Variants in CCDC180 observed in about 807,000 individuals in gnomAD.
CCDC180 encodes coiled-coil domain containing 180.
Under a neutral mutation model 209.2 loss-of-function variants are expected in CCDC180, and 154 were observed. The observed-to-expected ratio is 0.74, with a 90% CI of 0.65 to 0.84. The LOEUF (loss-of-function observed/expected upper bound fraction) is 0.84, where lower values mean the gene tolerates loss of function less well. Among genes scored for constraint, CCDC180 ranks in the 40% least tolerant of loss-of-function variants. CCDC180 has a pLI of 0.00. For missense variants in CCDC180, 1,874 were observed against 1,997.3 expected (o/e 0.94, Z 1.18); for synonymous variants, 778 against 749.1 (o/e 1.04, Z -0.63).
In CCDC180 at chr9:97,362,382, C is replaced by T. The variant is rs1564173687; in HGVS notation, c.3843C>T (p.Cys1281=). 1 of 1,614,098 alleles carries T rather than the reference C, an allele frequency of 6.2e-7. No homozygotes were observed. The highest frequency in any genetic ancestry group is 8.5e-7 in the Non-Finnish European group (1 of 1,180,024). ...SSPKGFKRHR[C]QPENSGKKAV... is the part of the protein sequence containing the mutation. ...CCAAAGGCTTCAAGCGACATCGGTG[C>T]CAGCCAGAAAACTCTGGGAAGAAGG... Residue 1281 remains cysteine, a synonymous_variant, in exon 28 of 37, where the codon TGC becomes TGT. Coordinates refer to ENST00000529487, the MANE Select transcript of CCDC180 (RefSeq NM_020893.6).
At chr9:97,376,673 A>G (rs904260797) in intron 36 of CCDC180, 90 bp from the exon 37 acceptor site, 1 of 1,451,876 alleles carries the variant, frequency 6.9e-7, no homozygotes, top group African/African-American at 1.4e-5. Flanking sequence ...TGGGTTAAAA[A>G]CCACCTGCCA....
In CCDC180 at chr9:97,313,993, C is replaced by A. The variant is rs114512584; in HGVS notation, c.460-400C>A. 7.6e-3 allele frequency among the ~76,000 whole-genome samples: 1,152 copies of A among 152,332 alleles called. 26 individuals carry two copies. Among genetic ancestry groups the A allele is most frequent in the African/African-American group, 0.026 (1,097 of 41,570 alleles). ...GGCTCTCCAGCCGTGTTTCTTCATA[C>A]GTCCCAACTAGATGCCAGGTCTGCT... On this transcript the variant is annotated intron_variant, in intron 5 of 36. Transcript: ENST00000529487.
intron 18 of CCDC180, among the ~76,000 whole-genome samples, chr9:97,336,183 A>C (rs1825898654): frequency 4.6e-5 from 7 of 152,170 alleles, no homozygotes; most frequent in Admixed American, 4.6e-4. Flanking sequence ...CCCATTTGTC[A>C]ATTATGGCTT....
chr9:97,367,445 C>T (rs1335508328), intron 31 of CCDC180, among the ~76,000 whole-genome samples: 3 of 151,636 alleles, frequency 2.0e-5, no homozygotes, highest in Non-Finnish European at 4.4e-5. Flanking sequence ...ATGATCTCAC[C>T]TCTCTGAGCC....
At chr9:97,346,767 G>A (rs1826271951) in intron 19 of CCDC180, among the ~76,000 whole-genome samples, 2 of 152,096 alleles carry the variant, frequency 1.3e-5, no homozygotes, top group African/African-American at 4.8e-5. Context: ...ATAGAGATGG[G>A]GGTCTCACCA....
chr9:97,323,330 T>C (rs1833417180), intron 12 of CCDC180, among the ~76,000 whole-genome samples: 1 of 152,070 alleles, frequency 6.6e-6, no homozygotes, highest in Admixed American at 6.5e-5. Flanking sequence ...TCCTGGGGGT[T>C]ATTGCAATGC....
rs755351156 is a variant in CCDC180 at position 97,314,695 on chromosome 9, C to T, written c.666C>T (p.Ala222=). 2.5e-5 allele frequency: 40 copies of T among 1,613,802 alleles called. No individual in the cohort carries two copies. The highest frequency in any genetic ancestry group is 3.2e-5 in the Non-Finnish European group (38 of 1,179,996). The change falls in exon 7 of 37, where the codon GCC becomes GCT. Residue 222 remains alanine, a synonymous_variant. Transcript: ENST00000529487. Reference sequence around the variant, plus strand: ...AGGAGATTAAGGAGCTGGATGAGGCCCTGCACTCGCTGGAGTTCTCCCGAA... The same window carrying T: ...AGGAGATTAAGGAGCTGGATGAGGCTCTGCACTCGCTGGAGTTCTCCCGAA... ...RKQEIKELDE[A]LHSLEFSRTD... is the part of the protein sequence containing the mutation.
chr9:97,340,774 C>T (rs765764252), intron 18 of CCDC180, among the ~76,000 whole-genome samples: 8 of 152,166 alleles, frequency 5.3e-5, no homozygotes, highest in African/African-American at 1.4e-4. Flanking sequence ...GGACAACACC[C>T]GCTACTTAGC....
intron 18 of CCDC180, among the ~76,000 whole-genome samples, chr9:97,342,170 C>T (rs886310959): frequency 2.0e-5 from 3 of 152,234 alleles, no homozygotes; most frequent in African/African-American, 4.8e-5. Flanking sequence ...GCTCACCCTC[C>T]GTGGGCTGCA....
chr9:97,371,923 A>C (rs1827493322), intron 34 of CCDC180: 2 of 391,478 alleles, frequency 5.1e-6, no homozygotes, highest in Non-Finnish European at 4.7e-6. Flanking sequence ...CTATTAAGTA[A>C]ACACTCCCAT....
rs187601991 is a variant in CCDC180 at position 97,377,132 on chromosome 9, G to T, written c.*238G>T. ...ATTCCACGTGGTTAGCAGGGAGGGT[G>T]AGTACCAGGAATCAGTCACTTCAAA... On this transcript the variant is annotated 3_prime_UTR_variant, in exon 37 of 37. Coordinates refer to ENST00000529487, the MANE Select transcript of CCDC180 (RefSeq NM_020893.6). The T allele has an allele frequency of 3.5e-5, 12 of 338,266 alleles. No individual in the cohort carries two copies. The highest frequency in any genetic ancestry group is 2.7e-5 in the Non-Finnish European group (5 of 184,384). 21.0% of individuals were successfully genotyped at this position (338,266 alleles called of 1,614,324 possible).
chr9:97,324,602 G>A (rs1833468651), intron 13 of CCDC180, among the ~76,000 whole-genome samples: 1 of 152,192 alleles, frequency 6.6e-6, no homozygotes, highest in Admixed American at 6.5e-5. Flanking sequence ...GGTGGGTGGT[G>A]TGGAGGATTT....
At chr9:97,317,917 G>A (rs562197973) in intron 9 of CCDC180, among the ~76,000 whole-genome samples, 1 of 152,310 alleles carries the variant, frequency 6.6e-6, no homozygotes, top group South Asian at 2.1e-4. Context: ...GCCTATCTGG[G>A]CCTGGCACCT....
At chr9:97,347,669 AG>A (rs982526229) in intron 20 of CCDC180, 180 bp downstream of exon 20, 1 of 583,486 alleles carries the variant, frequency 1.7e-6, no homozygotes, top group Non-Finnish European at 2.9e-6. Context: ...AGAAAAAGGT[AG>A]TACTCCAAAT....
chr9:97,342,261 C>T (rs1028592554), intron 18 of CCDC180, among the ~76,000 whole-genome samples: 3 of 152,228 alleles, frequency 2.0e-5, no homozygotes, highest in East Asian at 1.9e-4. Flanking sequence ...CTGCGTTGAT[C>T]GTGCTGGGAG....
intron 15 of CCDC180, among the ~76,000 whole-genome samples, chr9:97,326,914 G>C (rs943397250): frequency 6.6e-6 from 1 of 152,116 alleles, no homozygotes; most frequent in Non-Finnish European, 1.5e-5. Flanking sequence ...AGAACATGGG[G>C]CCTTCTTTTA....
intron 15 of CCDC180, 68 bp downstream of exon 15, chr9:97,326,737 C>A: frequency 9.8e-7 from 1 of 1,020,366 alleles, no homozygotes; most frequent in Non-Finnish European, 1.5e-6. Context: ...TCAAGGGCAG[C>A]CTGCCCAAGA....
rs1564177858 is a variant in CCDC180, at chr9:97,370,655, G to T, written c.4365G>T (p.Gln1455His). 6.2e-7 allele frequency: 1 copy of T among 1,613,782 alleles called. No individual in the cohort carries two copies. Among genetic ancestry groups the T allele is most frequent in the East Asian group, 2.2e-5 (1 of 44,864 alleles). ...RLEKRKDKNA[Q>H]KLHLNLGHPV... ...TTTGATTAAAGGACAAAAATGCCCA[G>T]AAGCTCCATCTAAATCTTGGACACC... Residue 1455 changes from glutamine (Q) to histidine (H), a missense_variant, in exon 33 of 37, where the codon CAG becomes CAT. Physicochemically the swap from Gln to His is conservative, Grantham distance 24 (BLOSUM62 0). Coordinates refer to ENST00000529487, the MANE Select transcript of CCDC180 (RefSeq NM_020893.6).
chr9:97,317,268 G>C (rs755109463), intron 9 of CCDC180, 40 bp downstream of exon 9: 4 of 1,482,260 alleles, frequency 2.7e-6, no homozygotes, highest in African/African-American at 1.4e-5. Flanking sequence ...AGCCCACCAG[G>C]GGGGCTGGCA....
Sources: gnomAD v4.1 joint callset for allele counts (sites outside exome capture counted in the v4.1 genomes callset) on GRCh38, gnomAD v4.1.1 for gene constraint, MANE v1.5 for transcripts, NCBI Gene and HGNC (gene_info 2026-07-23, HGNC 2026-07-21) for gene names.